The following PIK3CB variants were observed in gnomAD, a reference collection of about 807,000 sequenced individuals.
PIK3CB encodes phosphatidylinositol 4,5-bisphosphate 3-kinase catalytic subunit beta isoform.
In PIK3CB, 39 loss-of-function variants were observed where a neutral mutation model predicts 136.8. That is an observed-to-expected ratio of 0.29 (90% CI 0.22 to 0.37). PIK3CB has a LOEUF of 0.37. PIK3CB is among the 10% of genes least tolerant of loss of function. The pLI is 1.00. For missense variants in PIK3CB, 868 were observed against 1,275.4 expected (o/e 0.68, Z 4.87); for synonymous variants, 428 against 436.6 (o/e 0.98, Z 0.25).
chr3:138,691,175 A>C (rs765742734), intron 14 of PIK3CB, 32 bp from the exon 15 acceptor site: 7 of 1,596,994 alleles, frequency 4.4e-6, no homozygotes, highest in East Asian at 2.2e-5. Context: ...GTGAGTAACC[A>C]AACAACCTGT....
At chr3:138,757,349 A>G (rs2108727584) in intron 3 of PIK3CB, among the ~76,000 whole-genome samples, 1 of 152,188 alleles carries the variant, frequency 6.6e-6, no homozygotes, top group East Asian at 1.9e-4. Flanking sequence ...GGTTGCAGTA[A>G]GCCAAGGTCA....
chr3:138,815,294 T>C (rs1207556299), intron 1 of PIK3CB, among the ~76,000 whole-genome samples: 1 of 134,580 alleles, frequency 7.4e-6, no homozygotes, highest in Non-Finnish European at 1.6e-5. Flanking sequence ...GAGGCAGAGG[T>C]TGCAGTGAGC....
chr3:138,697,409 CAT>C (rs1392317526), intron 13 of PIK3CB, among the ~76,000 whole-genome samples: 1 of 151,122 alleles, frequency 6.6e-6, no homozygotes, highest in Non-Finnish European at 1.5e-5. Context: ...AATTATATAA[CAT>C]GTCTCCAAAG....
intron 1 of PIK3CB, among the ~76,000 whole-genome samples, chr3:138,834,105 A>G (rs1194716817): frequency 6.6e-6 from 1 of 152,228 alleles, no homozygotes; most frequent in Non-Finnish European, 1.5e-5. Flanking sequence ...CAGCAGGGGT[A>G]TCATTTACTT....
Position 138,653,032 on chromosome 3 carries a change from C to T in PIK3CB, c.*2357G>A. The stretch of plus-strand genomic sequence containing the variant: ...TAAAGTCACTTACCCAGGAATCTAA[C>T]AAACGATGCATAATATGTAAACACA... On this transcript the variant is annotated 3_prime_UTR_variant, in exon 24 of 24. Coordinates refer to ENST00000674063, the MANE Select transcript of PIK3CB (RefSeq NM_006219.3). The T allele has an allele frequency of 4.8e-6, 1 of 206,614 alleles. No homozygotes were observed. Among genetic ancestry groups the T allele is most frequent in the Non-Finnish European group, 9.9e-6 (1 of 101,304 alleles). 12.8% of individuals were successfully genotyped at this position (206,614 alleles called of 1,614,324 possible).
At chr3:138,755,557 T>C (rs1017736066) in intron 4 of PIK3CB, among the ~76,000 whole-genome samples, 197 bp downstream of exon 4, 1 of 152,138 alleles carries the variant, frequency 6.6e-6, no homozygotes, top group African/African-American at 2.4e-5. Flanking sequence ...GCTATGGCAA[T>C]ATCATATTGC....
chr3:138,693,277 G>T (rs1312807865), intron 14 of PIK3CB, among the ~76,000 whole-genome samples: 1 of 151,974 alleles, frequency 6.6e-6, no homozygotes, highest in Non-Finnish European at 1.5e-5. Context: ...TGTATTTTTG[G>T]TAGAGACGGG....
At chr3:138,826,060 T>C in intron 1 of PIK3CB, 2 of 1,206,060 alleles carry the variant, frequency 1.7e-6, no homozygotes, top group Admixed American at 1.8e-5. Context: ...GCAAGTTTGC[T>C]GACCTGAAGG....
At chr3:138,711,375 T>C (rs2044494556) in intron 10 of PIK3CB, among the ~76,000 whole-genome samples, 1 of 151,488 alleles carries the variant, frequency 6.6e-6, no homozygotes, top group South Asian at 2.1e-4. Flanking sequence ...AGGTCGGGAG[T>C]TCCAGACCAG....
At chr3:138,813,007 T>C (rs1425813531) in intron 1 of PIK3CB, among the ~76,000 whole-genome samples, 2 of 152,196 alleles carry the variant, frequency 1.3e-5, no homozygotes, top group Non-Finnish European at 2.9e-5. Flanking sequence ...GGCTGTGGTA[T>C]CTTTCCATAG....
chr3:138,830,951 T>A (rs1053067262), intron 1 of PIK3CB, among the ~76,000 whole-genome samples: 4 of 138,106 alleles, frequency 2.9e-5, no homozygotes, highest in Admixed American at 1.5e-4. Context: ...ATAATAATAA[T>A]AAAGCAGGAA....
chr3:138,702,066 T>C lies in PIK3CB; in HGVS notation c.1581+2377A>G, dbSNP rs569630300. 3.9e-4 allele frequency among the ~76,000 whole-genome samples: 59 copies of C among 150,928 alleles called. No homozygotes were observed. In the South Asian group the frequency reaches 4.2e-3, roughly 11 times the overall value. ...AATTAGCTCTGGAGAGGAAGGTAGG[T>C]GGGAGTCACAGAGAGAAACTTTCAT... On this transcript the variant is annotated intron_variant, in intron 12 of 23. Coordinates refer to ENST00000674063, the MANE Select transcript of PIK3CB (RefSeq NM_006219.3).
Position 138,693,964 on chromosome 3 carries a change from TA to T in PIK3CB, c.1892+821del, listed in dbSNP as rs1559819749. Among the ~76,000 whole-genome samples the T allele has an allele frequency of 3.3e-4, 12 of 36,638 alleles. 1 individual carries two copies. The highest frequency in any genetic ancestry group is 1.2e-3 in the African/African-American group (10 of 8,018). The allele number at this position is 36,638 out of a possible 152,430, so 24.0% of individuals were successfully genotyped here. On this transcript the variant is annotated intron_variant, in intron 14 of 23. Coordinates refer to ENST00000674063, the MANE Select transcript of PIK3CB (RefSeq NM_006219.3). ...ATATATATATATATATATATATATA[TA>T]TTATATATATATATATATATATATA...
In PIK3CB at chr3:138,815,162, A is replaced by AAAAAT. The variant is rs1553743711; in HGVS notation, c.-121-18596_-121-18595insATTTT. Among the ~76,000 whole-genome samples the AAAAAT allele has an allele frequency of 1.6e-3, 97 of 62,474 alleles. 3 individuals are homozygous for AAAAAT. Among genetic ancestry groups the AAAAAT allele is most frequent in the African/African-American group, 5.9e-3 (90 of 15,306 alleles). The allele number at this position is 62,474 out of a possible 152,430, so 41.0% of individuals were successfully genotyped here. A position where few individuals can be genotyped will look rare whatever the true frequency, so the allele number is the denominator to read the frequency against. On this transcript the variant is annotated intron_variant, in intron 1 of 23. Transcript: ENST00000674063. ...CTCAAAAAAAAAAAAAAAAAAAAAA[A>AAAAAT]ATATATATATATATACATATATATA...
intron 2 of PIK3CB, among the ~76,000 whole-genome samples, chr3:138,760,836 A>G (rs1338149867): frequency 1.3e-5 from 2 of 152,096 alleles, no homozygotes; most frequent in African/African-American, 2.4e-5. Context: ...GAGTCCAAGA[A>G]TCTAAGGCTG....
At chr3:138,765,884 A>G (rs1039284958) in intron 2 of PIK3CB, among the ~76,000 whole-genome samples, 4 of 152,178 alleles carry the variant, frequency 2.6e-5, no homozygotes, top group Admixed American at 1.3e-4. Context: ...AAAGAAAAAA[A>G]GTTGAAATTA....
intron 10 of PIK3CB, among the ~76,000 whole-genome samples, chr3:138,709,996 G>T (rs1412228400): frequency 2.0e-5 from 3 of 146,506 alleles, no homozygotes; most frequent in African/African-American, 7.6e-5. Context: ...TGGGCAACAT[G>T]GCGAAACCCT....
intron 2 of PIK3CB, among the ~76,000 whole-genome samples, chr3:138,783,046 T>C (rs1452694655): frequency 6.6e-6 from 1 of 152,182 alleles, no homozygotes; most frequent in Admixed American, 6.5e-5. Flanking sequence ...GTGGGGGATA[T>C]CATTAATGAG....
At chr3:138,825,407 T>A in intron 1 of PIK3CB, 1 of 650,832 alleles carries the variant, frequency 1.5e-6, no homozygotes. Context: ...GTTAACAAAA[T>A]GGATTCCACT....
Sources: allele counts gnomAD v4.1 joint callset (sites outside exome capture counted in the v4.1 genomes callset), GRCh38; gene constraint gnomAD v4.1.1; transcripts MANE v1.5; gene names NCBI Gene and HGNC (gene_info 2026-07-23, HGNC 2026-07-21).